The following COL15A1 variants were observed in gnomAD, a reference collection of about 807,000 sequenced individuals.
The protein encoded by COL15A1 is collagen alpha-1(XV) chain.
COL15A1 carries 111 observed loss-of-function variants against 165.9 expected under a neutral mutation model. The ratio of observed to expected loss-of-function variants is 0.67; its 90% CI spans 0.57 to 0.78. The LOEUF (loss-of-function observed/expected upper bound fraction) is 0.78. Ranked by LOEUF, COL15A1 falls within the 30% of genes least tolerant of loss-of-function variation. The pLI is 0.00. For missense variants in COL15A1, 1,745 were observed against 1,789.7 expected, an observed-to-expected ratio of 0.98 and a Z score of 0.45; for synonymous variants, 659 against 674.8, an observed-to-expected ratio of 0.98 and a Z score of 0.36.
intron 6 of COL15A1, among the ~76,000 whole-genome samples, chr9:98,998,261 T>C (rs1381274797): frequency 6.6e-6 from 1 of 152,240 alleles, no homozygotes; most frequent in African/African-American, 2.4e-5. Context: ...ATTTTATTAA[T>C]ACAAGTCTTC....
intron 6 of COL15A1, among the ~76,000 whole-genome samples, chr9:98,999,195 G>A (rs1235268427): frequency 1.3e-5 from 2 of 152,262 alleles, no homozygotes; most frequent in South Asian, 2.1e-4. Flanking sequence ...TGGGACCTGC[G>A]TGAGCACAGC....
intron 34 of COL15A1, among the ~76,000 whole-genome samples, 154 bp from the exon 35 acceptor site, chr9:99,056,106 C>G (rs1825716110): frequency 6.6e-6 from 1 of 152,190 alleles, no homozygotes; most frequent in Non-Finnish European, 1.5e-5. Flanking sequence ...TCTTGGAGGC[C>G]TTACCCCACC....
chr9:98,962,403 A>C (rs1837878824), intron 2 of COL15A1, among the ~76,000 whole-genome samples: 1 of 152,232 alleles, frequency 6.6e-6, no homozygotes, highest in Non-Finnish European at 1.5e-5. Flanking sequence ...GCTGTGTGAC[A>C]CTAGCATGCG....
chr9:98,983,127 T>C (rs898259174), intron 2 of COL15A1, among the ~76,000 whole-genome samples: 87 of 152,358 alleles, frequency 5.7e-4, no homozygotes, highest in African/African-American at 2.1e-3. Context: ...ACTGTATTTT[T>C]TTGTGTAACC....
chr9:99,010,956 A>G (rs1171189232), intron 9 of COL15A1, among the ~76,000 whole-genome samples: 1 of 151,960 alleles, frequency 6.6e-6, no homozygotes, highest in East Asian at 1.9e-4. Context: ...TTGGAAGAAA[A>G]TACTCCTTTT....
chr9:98,955,525 T>C (rs1235630070), intron 2 of COL15A1, among the ~76,000 whole-genome samples: 2 of 151,996 alleles, frequency 1.3e-5, no homozygotes, highest in South Asian at 4.2e-4. Context: ...CCCAGCATTA[T>C]GAACCTTTGA....
chr9:99,064,085 A>C (rs907619046), intron 39 of COL15A1, among the ~76,000 whole-genome samples: 1 of 152,038 alleles, frequency 6.6e-6, no homozygotes, highest in African/African-American at 2.4e-5. Flanking sequence ...CCACCTTCTG[A>C]AAGGGTCTTT....
In COL15A1 at chr9:99,052,427, T is replaced by G. The variant is rs1383180438; in HGVS notation, c.2944T>G (p.Phe982Val). 1 of 1,606,298 alleles carries G rather than the reference T, an allele frequency of 6.2e-7. No homozygotes were observed. Reference protein sequence around the residue: ...AHPGSPELITFHGVKGEKGSW... With the variant: ...AHPGSPELITVHGVKGEKGSW... ...TCCTGGGAGTCCAGAGCTCATCACT[T>G]TTCACGGTATACACTCCCTTCTTCA... The change falls in exon 31 of 42, where the codon TTT becomes GTT. Residue 982 changes from phenylalanine (F) to valine (V), a missense_variant. By Grantham distance (50) the Phe-to-Val change is conservative. Coordinates refer to ENST00000375001, the MANE Select transcript of COL15A1 (RefSeq NM_001855.5).
intron 2 of COL15A1, among the ~76,000 whole-genome samples, chr9:98,957,127 C>G (rs1837789777): frequency 6.6e-6 from 1 of 152,182 alleles, no homozygotes; most frequent in African/African-American, 2.4e-5. Context: ...GGGAGATTGT[C>G]TCCGATTATC....
At chr9:98,977,649 G>A (rs546190866) in intron 2 of COL15A1, among the ~76,000 whole-genome samples, 46 of 151,232 alleles carry the variant, frequency 3.0e-4, no homozygotes, top group African/African-American at 1.1e-3. Context: ...CCTCTTGGCG[G>A]ACTCTGTGGA....
chr9:98,992,148 C>T (rs1249889802), intron 5 of COL15A1, among the ~76,000 whole-genome samples: 4 of 152,276 alleles, frequency 2.6e-5, no homozygotes, highest in African/African-American at 7.2e-5. Flanking sequence ...GAACAGCCGC[C>T]GCAGAGCAGG....
At chr9:98,973,255 GGA>G (rs150597321) in intron 2 of COL15A1, among the ~76,000 whole-genome samples, 1 of 150,052 alleles carries the variant, frequency 6.7e-6, no homozygotes, top group East Asian at 1.9e-4. Flanking sequence ...AGAGAGAGAG[GGA>G]GAGAGAGAGA....
chr9:98,992,341 G>A (rs1037917466), intron 5 of COL15A1, among the ~76,000 whole-genome samples: 1 of 152,254 alleles, frequency 6.6e-6, no homozygotes, highest in African/African-American at 2.4e-5. Flanking sequence ...TGCAGCTGCT[G>A]GCCTGGGTGC....
intron 14 of COL15A1, among the ~76,000 whole-genome samples, chr9:99,024,364 T>C (rs1839085997): frequency 6.8e-6 from 1 of 146,340 alleles, no homozygotes; most frequent in Non-Finnish European, 1.5e-5. Context: ...CACTGCAAGC[T>C]CCACCTCCCA....
intron 2 of COL15A1, among the ~76,000 whole-genome samples, chr9:98,973,846 G>A (rs749023077): frequency 4.2e-4 from 64 of 152,234 alleles, no homozygotes; most frequent in Non-Finnish European, 8.8e-5. Context: ...CTGAAACACT[G>A]GCGGGAGACA....
At chr9:99,024,740 C>A in intron 14 of COL15A1, 134 bp from the exon 15 acceptor site, 1 of 973,104 alleles carries the variant, frequency 1.0e-6, no homozygotes, top group Non-Finnish European at 1.5e-6. Flanking sequence ...CCTTATTTTC[C>A]GCATCTGCTA....
intron 21 of COL15A1, among the ~76,000 whole-genome samples, chr9:99,038,162 A>G (rs371040279): frequency 6.6e-6 from 1 of 152,192 alleles, no homozygotes; most frequent in Admixed American, 6.5e-5. Flanking sequence ...GGTGTGGGGA[A>G]AAAGGTAATC....
Position 99,004,440 on chromosome 9 carries a change from G to A in COL15A1, c.1201-458G>A, listed in dbSNP as rs530432221. Among the ~76,000 whole-genome samples, 8 of 152,298 alleles carry A rather than the reference G, an allele frequency of 5.3e-5. No homozygotes were observed. In the South Asian group the frequency reaches 1.5e-3, roughly 28 times the overall value. On this transcript the variant is annotated intron_variant, in intron 8 of 41. Coordinates refer to ENST00000375001, the MANE Select transcript of COL15A1 (RefSeq NM_001855.5). Reference sequence around the variant, plus strand: ...TGGCCTTGGGGAGAGCAGCTTCAGGGCTATCGGAGCGGTGGAAGCCAGATG... The same window carrying A: ...TGGCCTTGGGGAGAGCAGCTTCAGGACTATCGGAGCGGTGGAAGCCAGATG...
rs759852252 is a variant in COL15A1, at chr9:99,062,269, G to A, written c.3556G>A (p.Ala1186Thr). The change falls in exon 38 of 42, where the codon GCC becomes ACC. Residue 1186 changes from alanine to threonine, a missense_variant. Physicochemically the swap from Ala to Thr is moderately conservative, Grantham distance 58. Coordinates refer to ENST00000375001, the MANE Select transcript of COL15A1 (RefSeq NM_001855.5). ...GCTGGGAGAACTGATCCCCATTCCT[G>A]CCGACAGCCCTCCACCCCCTGCGCT... ...LQLGELIPIP[A>T]DSPPPPALSS... is the part of the protein sequence containing the mutation. 2.5e-6 allele frequency: 4 copies of A among 1,613,732 alleles called. No individual in the cohort carries two copies. The South Asian group carries it at 4.4e-5, about 18-fold the overall frequency.
Sources: allele counts gnomAD v4.1 joint callset (sites outside exome capture counted in the v4.1 genomes callset), GRCh38; gene constraint gnomAD v4.1.1; transcripts MANE v1.5; gene names NCBI Gene and HGNC (gene_info 2026-07-23, HGNC 2026-07-21).